KAZN: variants seen among roughly 807,000 people sequenced by gnomAD.
KAZN encodes the protein kazrin.
A neutral mutation model predicts 87.4 loss-of-function variants in KAZN; 40 were observed. The observed-to-expected ratio is 0.46, with a 90% CI of 0.36 to 0.60. The LOEUF is 0.60. Among genes scored for constraint, KAZN ranks in the 20% least tolerant of loss-of-function variants. The pLI, the probability that KAZN is intolerant of heterozygous loss-of-function variation, is 0.00. For synonymous variants in KAZN, 466 were observed against 458.3 expected (o/e 1.02, Z -0.22); for missense variants, 898 against 1,073.9 (o/e 0.84, Z 2.29).
rs1383933126 is a variant in KAZN at position 14,858,212 on chromosome 1, TTC to T, written c.227-102470_227-102469del. On this transcript the variant is annotated intron_variant, in intron 1 of 14. Transcript: ENST00000376030. ...TCTTTTTTTCTTTTTTCTTTTTCTT[TTC>T]TTTTTTTTTTTTTTTTGAGACAAAG... 1.1e-4 allele frequency among the ~76,000 whole-genome samples: 13 copies of T among 116,416 alleles called. 4 individuals carry two copies. Among genetic ancestry groups the T allele is most frequent in the African/African-American group, 4.3e-4 (11 of 25,764 alleles). 76.4% of individuals were successfully genotyped at this position (116,416 alleles called of 152,430 possible). A position where few individuals can be genotyped will look rare whatever the true frequency, so the allele number is the denominator to read the frequency against.
intron 1 of KAZN, among the ~76,000 whole-genome samples, chr1:14,806,859 C>T (rs1646239896): frequency 6.6e-6 from 1 of 152,182 alleles, no homozygotes; most frequent in African/African-American, 2.4e-5. Flanking sequence ...ACCCACTCTG[C>T]AGGAGCATGT....
intron 1 of KAZN, among the ~76,000 whole-genome samples, chr1:14,695,288 T>A (rs1641532843): frequency 1.3e-5 from 2 of 152,130 alleles, no homozygotes. Flanking sequence ...CAGCTGGCCT[T>A]ATAGATCTGT....
intron 2 of KAZN, among the ~76,000 whole-genome samples, chr1:14,202,789 G>A (rs6674696): frequency 6.6e-6 from 1 of 151,874 alleles, no homozygotes; most frequent in Non-Finnish European, 1.5e-5. Context: ...GGCTGAGGCA[G>A]GCAGATCACC....
intron 1 of KAZN, among the ~76,000 whole-genome samples, chr1:14,155,496 C>A (rs1645573071): frequency 6.6e-6 from 1 of 151,908 alleles, no homozygotes; most frequent in Non-Finnish European, 1.5e-5. Flanking sequence ...GTTCATTGAT[C>A]TTTCACATTG....
At chr1:14,672,461 G>A (rs192712479) in intron 1 of KAZN, among the ~76,000 whole-genome samples, 1 of 152,270 alleles carries the variant, frequency 6.6e-6, no homozygotes, top group Non-Finnish European at 1.5e-5. Flanking sequence ...ATAACAGTCT[G>A]GCTCTTTCTC....
chr1:14,461,383 A>G (rs1172122774), intron 2 of KAZN, among the ~76,000 whole-genome samples: 1 of 152,058 alleles, frequency 6.6e-6, no homozygotes, highest in African/African-American at 2.4e-5. Flanking sequence ...ACGAGATCTG[A>G]TGCTTTTATA....
At chr1:14,223,966 A>G (rs1647171706) in intron 2 of KAZN, among the ~76,000 whole-genome samples, 1 of 152,214 alleles carries the variant, frequency 6.6e-6, no homozygotes, top group African/African-American at 2.4e-5. Context: ...AGGGAGAACC[A>G]TCCACCATTT....
chr1:14,435,142 C>A (rs943852560), intron 2 of KAZN, among the ~76,000 whole-genome samples: 2 of 152,188 alleles, frequency 1.3e-5, no homozygotes, highest in Non-Finnish European at 2.9e-5. Flanking sequence ...TGCCCTCCAG[C>A]ATCGGTGGCG....
chr1:13,898,566 C>T (rs1256594795), intron 1 of KAZN, among the ~76,000 whole-genome samples: 1 of 152,200 alleles, frequency 6.6e-6, no homozygotes, highest in Non-Finnish European at 1.5e-5. Flanking sequence ...AGGCCCAGCT[C>T]GTGGAGGGTG....
intron 2 of KAZN, among the ~76,000 whole-genome samples, chr1:14,997,916 T>C (rs890130112): frequency 1.3e-5 from 2 of 152,194 alleles, no homozygotes; most frequent in African/African-American, 4.8e-5. Context: ...ATCTGTGAAA[T>C]GGATGTAGAA....
intron 1 of KAZN, among the ~76,000 whole-genome samples, chr1:14,134,522 A>G (rs1231015097): frequency 2.0e-5 from 3 of 152,240 alleles, no homozygotes; most frequent in African/African-American, 7.2e-5. Flanking sequence ...TCATGCGGCC[A>G]TACAGGCTGA....
chr1:14,405,343 A>C (rs943513912), intron 2 of KAZN, among the ~76,000 whole-genome samples: 12 of 152,358 alleles, frequency 7.9e-5, no homozygotes, highest in Non-Finnish European at 1.5e-5. Flanking sequence ...TTTACAAAGC[A>C]TTGAAACCAA....
At chr1:14,271,291 G>T (rs1651903431) in intron 2 of KAZN, among the ~76,000 whole-genome samples, 1 of 152,170 alleles carries the variant, frequency 6.6e-6, no homozygotes, top group African/African-American at 2.4e-5. Context: ...TTCCTGAAGG[G>T]TAGAGCTTCA....
At chr1:14,957,817 A>C (rs2101750676) in intron 1 of KAZN, among the ~76,000 whole-genome samples, 1 of 152,330 alleles carries the variant, frequency 6.6e-6, no homozygotes, top group South Asian at 2.1e-4. Flanking sequence ...CTAATATGCT[A>C]GGTGGGGCGG....
At chr1:14,343,104 C>T (rs1028756213) in intron 2 of KAZN, among the ~76,000 whole-genome samples, 1 of 152,138 alleles carries the variant, frequency 6.6e-6, no homozygotes, top group Non-Finnish European at 1.5e-5. Flanking sequence ...CGAGATTGCG[C>T]CATTGCACTC....
At chr1:14,091,106 T>C (rs1236698379) in intron 1 of KAZN, among the ~76,000 whole-genome samples, 24 of 114,710 alleles carry the variant, frequency 2.1e-4, no homozygotes, top group African/African-American at 7.8e-4. Flanking sequence ...AGTGAGACTC[T>C]GTCAAAAAAA....
rs1363922769 is a variant in KAZN at position 14,621,509 on chromosome 1, C to T, written c.226+22286C>T. ...GCCCCCAGGCTACCTCTTAGGACCA[C>T]ACTAACTCCCCAAGGTCACTTTGCT... On this transcript the variant is annotated intron_variant, in intron 1 of 14. Transcript: ENST00000376030. 2.0e-5 allele frequency among the ~76,000 whole-genome samples: 3 copies of T among 152,210 alleles called. No individual in the cohort carries two copies. The East Asian group carries it at 5.8e-4, about 29-fold the overall frequency.
chr1:13,923,954 C>T (rs1271715270), intron 1 of KAZN, among the ~76,000 whole-genome samples: 2 of 151,502 alleles, frequency 1.3e-5, no homozygotes, highest in African/African-American at 2.4e-5. Context: ...GCTGACCATG[C>T]GGGTCTCCCC....
At chr1:14,730,268 G>A (rs1643618050) in intron 1 of KAZN, among the ~76,000 whole-genome samples, 2 of 152,164 alleles carry the variant, frequency 1.3e-5, no homozygotes, top group Non-Finnish European at 2.9e-5. Flanking sequence ...ATGTTTAGTG[G>A]AGACAGGGTT....
Sources: gnomAD v4.1 joint callset for allele counts (sites outside exome capture counted in the v4.1 genomes callset) on GRCh38, gnomAD v4.1.1 for gene constraint, MANE v1.5 for transcripts, NCBI Gene and HGNC (gene_info 2026-07-23, HGNC 2026-07-21) for gene names.